The following ERBB4 variants were observed in gnomAD, a reference collection of about 807,000 sequenced individuals.
The protein encoded by ERBB4 is receptor tyrosine-protein kinase erbB-4.
ERBB4 carries 42 observed loss-of-function variants against 158.0 expected under a neutral mutation model. The ratio of observed to expected loss-of-function variants is 0.27; its 90% CI spans 0.21 to 0.34. The LOEUF is 0.34. Ranked by LOEUF, ERBB4 falls within the 10% of genes least tolerant of loss-of-function variation. The probability of loss-of-function intolerance (pLI) is 1.00; values close to 1 mark genes in which losing one functional copy is unlikely to be tolerated. For synonymous variants in ERBB4, 583 were observed against 558.7 expected (o/e 1.04, Z -0.61); for missense variants, 1,333 against 1,624.1 (o/e 0.82, Z 3.08).
At chr2:211,511,038 CA>C (rs1316882113) in intron 20 of ERBB4, among the ~76,000 whole-genome samples, 2 of 151,208 alleles carry the variant, frequency 1.3e-5, no homozygotes, top group African/African-American at 2.4e-5. Context: ...AAACAACAAC[CA>C]AAAAAACAGA....
intron 1 of ERBB4, among the ~76,000 whole-genome samples, chr2:212,173,719 T>C (rs914759394): frequency 5.3e-5 from 8 of 151,864 alleles, no homozygotes; most frequent in African/African-American, 1.7e-4. Context: ...TATAGGCAAA[T>C]CCTCAGAAGA....
At chr2:212,123,460 CTCTAAT>C (rs946884258) in intron 2 of ERBB4, among the ~76,000 whole-genome samples, 3 of 152,084 alleles carry the variant, frequency 2.0e-5, no homozygotes, top group Non-Finnish European at 4.4e-5. Flanking sequence ...TTTTAAGGCC[CTCTAAT>C]TCTATGATTC....
At chr2:211,694,929 TTAAAA>T (rs2072958977) in intron 12 of ERBB4, among the ~76,000 whole-genome samples, 1 of 152,200 alleles carries the variant, frequency 6.6e-6, no homozygotes, top group Admixed American at 6.6e-5. Flanking sequence ...TAATATTTTC[TTAAAA>T]TAAGGTAAAT....
chr2:211,914,220 A>G (rs1487435387), intron 3 of ERBB4, among the ~76,000 whole-genome samples: 1 of 151,946 alleles, frequency 6.6e-6, no homozygotes, highest in African/African-American at 2.4e-5. Flanking sequence ...TGAATGTGGT[A>G]CAAGCTTTCT....
chr2:211,624,162 G>C, intron 17 of ERBB4, 118 bp from the exon 18 acceptor site: 4 of 1,318,404 alleles, frequency 3.0e-6, no homozygotes, highest in Non-Finnish European at 4.3e-6. Context: ...ACACCAACTT[G>C]GTTTGCCTTG....
intron 20 of ERBB4, among the ~76,000 whole-genome samples, chr2:211,481,200 T>A (rs1034664882): frequency 6.6e-6 from 1 of 152,156 alleles, no homozygotes; most frequent in Non-Finnish European, 1.5e-5. Context: ...AGTGGGATAT[T>A]TGAAATGTAT....
intron 1 of ERBB4, among the ~76,000 whole-genome samples, chr2:212,262,945 T>C (rs62182620): frequency 0.096 from 14,544 of 152,180 alleles, 999 homozygotes; most frequent in Non-Finnish European, 0.14. Flanking sequence ...GGTTGAAGAT[T>C]GTCCCCTCAA....
intron 19 of ERBB4, among the ~76,000 whole-genome samples, chr2:211,617,178 CA>C (rs1306769547): frequency 6.6e-6 from 1 of 152,016 alleles, no homozygotes; most frequent in African/African-American, 2.4e-5. Context: ...GGAAATATGA[CA>C]AAAATGTCTG....
chr2:212,069,305 C>T (rs1006073996), intron 2 of ERBB4, among the ~76,000 whole-genome samples: 1 of 151,994 alleles, frequency 6.6e-6, no homozygotes, highest in Non-Finnish European at 1.5e-5. Context: ...TAATTCATCA[C>T]ATTAATAAAA....
At chr2:211,515,913 T>TATATACATATA (rs71054105) in intron 20 of ERBB4, among the ~76,000 whole-genome samples, 1 of 57,406 alleles carries the variant, frequency 1.7e-5, no homozygotes, top group East Asian at 3.6e-4. Context: ...TATATATATA[T>TATATACATATA]TTTTTTTTTT....
At chr2:211,669,952 C>T (rs770294755) in intron 14 of ERBB4, among the ~76,000 whole-genome samples, 11 of 152,226 alleles carry the variant, frequency 7.2e-5, no homozygotes, top group Non-Finnish European at 1.3e-4. Context: ...TCAGATGTAA[C>T]AGTGTTTGGT....
intron 20 of ERBB4, among the ~76,000 whole-genome samples, chr2:211,497,036 T>C (rs931612467): frequency 6.6e-6 from 1 of 152,130 alleles, no homozygotes; most frequent in East Asian, 1.9e-4. Flanking sequence ...AGTATGTCCC[T>C]AGCACCTAGA....
chr2:212,139,957 T>C (rs973204706), intron 1 of ERBB4, among the ~76,000 whole-genome samples: 2 of 151,890 alleles, frequency 1.3e-5, no homozygotes, highest in Admixed American at 1.3e-4. Context: ...TTCAAGTTTC[T>C]ACTGATATTA....
chr2:211,704,209 T>C lies in ERBB4; in HGVS notation c.1199-15A>G, dbSNP rs771850635. On this transcript the variant is annotated splice_polypyrimidine_tract_variant and intron_variant, in intron 10 of 27. Coordinates refer to ENST00000342788, the MANE Select transcript of ERBB4 (RefSeq NM_005235.3). ...GTTCAGGAAACCTACAAGTGAAGAG[T>C]AGAAAAAATAAATCAGAATATCATT... is the stretch of plus-strand genomic sequence containing the variant. 28 of 1,490,062 alleles carry C rather than the reference T, an allele frequency of 1.9e-5. No homozygotes were observed. Among genetic ancestry groups the C allele is most frequent in the Middle Eastern group, 3.4e-4 (2 of 5,842 alleles). The allele number at this position is 1,490,062 out of a possible 1,614,324, so 92.3% of individuals were successfully genotyped here. A position where few individuals can be genotyped will look rare whatever the true frequency, so the allele number is the denominator to read the frequency against.
chr2:211,754,404 T>C (rs1432677288), intron 4 of ERBB4, among the ~76,000 whole-genome samples: 1 of 136,298 alleles, frequency 7.3e-6, no homozygotes, highest in Non-Finnish European at 1.6e-5. Flanking sequence ...ATTGCAATAA[T>C]CCCTTTTTTT....
chr2:211,442,027 T>G (rs997400877), intron 20 of ERBB4, among the ~76,000 whole-genome samples: 2 of 152,028 alleles, frequency 1.3e-5, no homozygotes, highest in Non-Finnish European at 2.9e-5. Context: ...GACATGCACA[T>G]ACACTGAACC....
chr2:212,538,353 C>A, intron 1 of ERBB4, 96 bp downstream of exon 1: 1 of 1,107,800 alleles, frequency 9.0e-7, no homozygotes, highest in Non-Finnish European at 1.4e-6. Context: ...GGTCCCTCCA[C>A]GCCTCCCGGG....
chr2:211,822,978 T>A (rs775975507), intron 3 of ERBB4, among the ~76,000 whole-genome samples: 2 of 151,972 alleles, frequency 1.3e-5, no homozygotes, highest in Non-Finnish European at 1.5e-5. Flanking sequence ...GACTGTACCA[T>A]CATCATGGGA....
At chr2:211,493,489 T>C (rs1377645916) in intron 20 of ERBB4, among the ~76,000 whole-genome samples, 1 of 151,936 alleles carries the variant, frequency 6.6e-6, no homozygotes, top group African/African-American at 2.4e-5. Context: ...AATTTTTATA[T>C]AGCATACAAA....
Sources: allele counts gnomAD v4.1 joint callset (sites outside exome capture counted in the v4.1 genomes callset), GRCh38; gene constraint gnomAD v4.1.1; transcripts MANE v1.5; gene names NCBI Gene and HGNC (gene_info 2026-07-23, HGNC 2026-07-21).